CSNK1D: variants seen among roughly 807,000 people sequenced by gnomAD.
CSNK1D encodes the protein casein kinase I isoform delta.
CSNK1D carries 16 observed loss-of-function variants against 46.6 expected under a neutral mutation model. The observed-to-expected ratio is 0.34, with a 90% CI of 0.23 to 0.52. The LOEUF (loss-of-function observed/expected upper bound fraction) is 0.52. Ranked by LOEUF, CSNK1D falls within the 20% of genes least tolerant of loss-of-function variation. The pLI is 0.95. For missense variants in CSNK1D, 398 were observed against 578.4 expected (o/e 0.69, Z 3.20); for synonymous variants, 276 against 228.2 (o/e 1.21, Z -1.89).
intron 3 of CSNK1D, chr17:82,254,018 C>G (rs1475864663): frequency 3.4e-3 from 450 of 132,774 alleles, no homozygotes; most frequent in South Asian, 4.3e-3. Flanking sequence ...AGAAGCCAGT[C>G]AGCTGAGCCG....
intron 1 of CSNK1D, among the ~76,000 whole-genome samples, chr17:82,269,931 T>C (rs1488274947): frequency 6.6e-6 from 1 of 152,250 alleles, no homozygotes; most frequent in Non-Finnish European, 1.5e-5. Flanking sequence ...AGTGGTACTC[T>C]GCCAGCATAA....
downstream of CSNK1D, among the ~76,000 whole-genome samples, chr17:82,241,122 G>A (rs988417082): frequency 3.3e-5 from 5 of 152,162 alleles, no homozygotes; most frequent in Non-Finnish European, 7.4e-5. Flanking sequence ...GCTACTTGGG[G>A]TGGGGGTGGG....
intron 1 of CSNK1D, among the ~76,000 whole-genome samples, chr17:82,270,867 G>A (rs942495144): frequency 7.9e-5 from 12 of 152,298 alleles, no homozygotes; most frequent in East Asian, 3.9e-4. Flanking sequence ...AGCCACAGCC[G>A]CCCGCAATCC....
In CSNK1D at chr17:82,255,555, C is replaced by A; in HGVS notation, c.210G>T (p.Trp70Cys). The stretch of plus-strand genomic sequence containing the variant: ...CGTTGTAGTCCCCCTCTGCCCCGCA[C>A]CATCTGATGGTGGGGATGCCCACTA... The part of the protein sequence containing the change: ...QGGVGIPTIR[W>C]CGAEGDYNVM... The change falls in exon 3 of 9, where the codon TGG becomes TGT. Residue 70 changes from tryptophan to cysteine, a missense_variant. Around this residue, in one of 2 missense-constraint regions of CSNK1D, gnomAD observed 217 missense variants for 370.3 expected, o/e 0.59. Coordinates refer to ENST00000314028, the MANE Select transcript of CSNK1D (RefSeq NM_001893.6). This position sits in a 1 kb window ranked among gnomAD's most constrained non-coding sequence, Gnocchi z 5.9. 6.2e-7 allele frequency: 1 copy of A among 1,614,186 alleles called. No homozygotes were observed. Among genetic ancestry groups the A allele is most frequent in the Non-Finnish European group, 8.5e-7 (1 of 1,180,036 alleles).
Position 82,242,858 on chromosome 17 carries a change from G to A in CSNK1D, c.*1923C>T, listed in dbSNP as rs551312130. 8 of 985,366 alleles carry A rather than the reference G, an allele frequency of 8.1e-6. No homozygotes were observed. The highest frequency in any genetic ancestry group is 5.2e-5 in the African/African-American group (3 of 57,336). The allele number at this position is 985,366 out of a possible 1,614,324, so 61.0% of individuals were successfully genotyped here. ...ACTGTCACAAGCACTCCGAAGACGC[G>A]ACCCGGCGAGGCTCGGGCTGGAACC... On this transcript the variant is annotated 3_prime_UTR_variant, in exon 9 of 9. Coordinates refer to ENST00000314028, the MANE Select transcript of CSNK1D (RefSeq NM_001893.6).
chr17:82,271,829 G>C (rs1343062830), intron 1 of CSNK1D, among the ~76,000 whole-genome samples: 2 of 152,220 alleles, frequency 1.3e-5, no homozygotes, highest in Non-Finnish European at 2.9e-5. Flanking sequence ...TATGACCAGA[G>C]GCATTACTGA....
rs1250547895 is a variant in CSNK1D at position 82,243,759 on chromosome 17, C to T, written c.*1022G>A. 1.1e-5 allele frequency: 11 copies of T among 985,388 alleles called. No homozygotes were observed. Among genetic ancestry groups the T allele is most frequent in the Non-Finnish European group, 1.3e-5 (11 of 829,992 alleles). The allele number at this position is 985,388 out of a possible 1,614,324, so 61.0% of individuals were successfully genotyped here. A position where few individuals can be genotyped will look rare whatever the true frequency, so the allele number is the denominator to read the frequency against. On this transcript the variant is annotated 3_prime_UTR_variant, in exon 9 of 9. Coordinates refer to ENST00000314028, the MANE Select transcript of CSNK1D (RefSeq NM_001893.6). Reference sequence around the variant, plus strand: ...CATACAGACGGAGTGCCAATCCGCACAGGAGCATTGAGTGCTGAGAAAATG... The same window carrying T: ...CATACAGACGGAGTGCCAATCCGCATAGGAGCATTGAGTGCTGAGAAAATG...
chr17:82,250,271 G>C lies in CSNK1D; in HGVS notation c.886-669C>G, dbSNP rs755955720. Reference sequence around the variant, plus strand: ...CCAAACCCAGGTGCCACTTCTTCCTGCAAGTACAGCTCATTGGACACAGCC... The same window carrying C: ...CCAAACCCAGGTGCCACTTCTTCCTCCAAGTACAGCTCATTGGACACAGCC... On this transcript the variant is annotated intron_variant, in intron 6 of 8. Transcript: ENST00000314028. This position sits in a 1 kb window ranked among gnomAD's most constrained non-coding sequence, Gnocchi z 4.6. 2.3e-4 allele frequency: 264 copies of C among 1,170,470 alleles called. No homozygotes were observed. The highest frequency in any genetic ancestry group is 1.2e-3 in the African/African-American group (75 of 63,460). The allele number at this position is 1,170,470 out of a possible 1,614,324, so 72.5% of individuals were successfully genotyped here. A position where few individuals can be genotyped will look rare whatever the true frequency, so the allele number is the denominator to read the frequency against.
chr17:82,265,192 T>TTTG, intron 2 of CSNK1D: 2 of 192,752 alleles, frequency 1.0e-5, no homozygotes, highest in Non-Finnish European at 1.1e-5. Flanking sequence ...TTTTTTTTTT[T>TTTG]GGGGGGGACA....
Position 82,251,234 on chromosome 17 carries a change from G to C in CSNK1D, c.885+145C>G. The C allele has an allele frequency of 2.1e-6, 2 of 950,534 alleles. No homozygotes were observed. Among genetic ancestry groups the C allele is most frequent in the South Asian group, 2.8e-5 (2 of 70,302 alleles). The allele number at this position is 950,534 out of a possible 1,614,324, so 58.9% of individuals were successfully genotyped here. On this transcript the variant is annotated intron_variant, in intron 6 of 8. Transcript: ENST00000314028. The surrounding 1 kb of genome is among the most constrained non-coding windows in gnomAD (Gnocchi z 4.5). ...GGCAGGCAGACACCCACTCAGTCCA[G>C]GTCCTGCCCACTACACACTTGCCCT...
At chr17:82,254,072 T>TGAGCTGAGCCGCCGGAGCCTCGA (rs2051091355) in intron 3 of CSNK1D, 2 of 48,726 alleles carry the variant, frequency 4.1e-5, no homozygotes, top group Non-Finnish European at 7.0e-5. Context: ...CGGAGCCTCG[T>TGAGCTGAGCCGCCGGAGCCTCGA]GAAGCCAGTG....
intron 2 of CSNK1D, among the ~76,000 whole-genome samples, chr17:82,261,719 G>C (rs1331762790): frequency 6.6e-6 from 1 of 152,212 alleles, no homozygotes; most frequent in African/African-American, 2.4e-5. Flanking sequence ...TTCCCTCTCA[G>C]GTGGGCAGGG....
chr17:82,243,837 T>C lies in CSNK1D; in HGVS notation c.*944A>G. ...AAACACTACAGTAACCACCTCTCGG[T>C]TCACAGTCCTCTCCCAAGGGACCAG... On this transcript the variant is annotated 3_prime_UTR_variant, in exon 9 of 9. Transcript: ENST00000314028. 1.0e-6 allele frequency: 1 copy of C among 985,514 alleles called. No individual in the cohort carries two copies. The highest frequency in any genetic ancestry group is 1.2e-6 in the Non-Finnish European group (1 of 830,002). 61.0% of individuals were successfully genotyped at this position (985,514 alleles called of 1,614,324 possible). A position where few individuals can be genotyped will look rare whatever the true frequency, so the allele number is the denominator to read the frequency against.
At chr17:82,245,823 GCACCC>G (rs1568552725) in intron 8 of CSNK1D, among the ~76,000 whole-genome samples, 1 of 152,198 alleles carries the variant, frequency 6.6e-6, no homozygotes, top group Non-Finnish European at 1.5e-5. Context: ...CCGCCGCTCT[GCACCC>G]CACAAGAAGA....
At chr17:82,271,529 A>G (rs558335679) in intron 1 of CSNK1D, among the ~76,000 whole-genome samples, 26 of 152,360 alleles carry the variant, frequency 1.7e-4, no homozygotes, top group African/African-American at 5.1e-4. Flanking sequence ...AAACACTGCC[A>G]AGAACACATC....
chr17:82,269,105 A>G lies in CSNK1D; in HGVS notation c.77-3309T>C, dbSNP rs538019645. ...GAATGATACTTTGTCTTAAAAAAAA[A>G]AAAAAAAAAAAAAAGCAGATGGTGA... On this transcript the variant is annotated intron_variant, in intron 1 of 8. Transcript: ENST00000314028. Among the ~76,000 whole-genome samples the G allele has an allele frequency of 2.6e-5, 4 of 151,384 alleles. No individual in the cohort carries two copies. In the East Asian group the frequency reaches 7.7e-4, roughly 29 times the overall value.
In CSNK1D at chr17:82,252,996, C is replaced by A. The variant is rs748668818; in HGVS notation, c.565+20G>T. The A allele has an allele frequency of 7.5e-6, 12 of 1,607,192 alleles. No homozygotes were observed. Among genetic ancestry groups the A allele is most frequent in the Middle Eastern group, 1.6e-4 (1 of 6,078 alleles). ...GCCCAAAGGCACCCCAGGTCAGTGA[C>A]CCCATGCCCAGGGGCTCACCAATTC... is the stretch of plus-strand genomic sequence containing the variant. On this transcript the variant is annotated intron_variant, in intron 4 of 8. Coordinates refer to ENST00000314028, the MANE Select transcript of CSNK1D (RefSeq NM_001893.6). The surrounding 1 kb of genome is among the most constrained non-coding windows in gnomAD (Gnocchi z 4.6).
Position 82,242,786 on chromosome 17 carries a change from A to T in CSNK1D, c.*1995T>A. ...CAGTGCACAGCTGACACGACGTCCT[A>T]CCTACGTCTCCTGCACGGGGCGACG... is the stretch of plus-strand genomic sequence containing the variant. On this transcript the variant is annotated 3_prime_UTR_variant, in exon 9 of 9. Coordinates refer to ENST00000314028, the MANE Select transcript of CSNK1D (RefSeq NM_001893.6). 1 of 985,162 alleles carries T rather than the reference A, an allele frequency of 1.0e-6. No individual in the cohort carries two copies. The highest frequency in any genetic ancestry group is 1.2e-6 in the Non-Finnish European group (1 of 829,692). 61.0% of individuals were successfully genotyped at this position (985,162 alleles called of 1,614,324 possible).
rs534648662 is a variant in CSNK1D, at chr17:82,245,814, C to T, written c.1198-983G>A. ...CCCCCAAGACTGGGCAGCGGACTGC[C>T]GCCGCTCTGCACCCCACAAGAAGAA... is the stretch of plus-strand genomic sequence containing the variant. On this transcript the variant is annotated intron_variant, in intron 8 of 8. Coordinates refer to ENST00000314028, the MANE Select transcript of CSNK1D (RefSeq NM_001893.6). 3.9e-5 allele frequency among the ~76,000 whole-genome samples: 6 copies of T among 152,328 alleles called. No homozygotes were observed. In the East Asian group the frequency reaches 7.7e-4, roughly 20 times the overall value.
Sources: allele counts gnomAD v4.1 joint callset (sites outside exome capture counted in the v4.1 genomes callset), GRCh38; gene constraint gnomAD v4.1.1; regional missense constraint gnomAD v4.1.1; non-coding constraint Gnocchi (gnomAD v3.1); transcripts MANE v1.5; gene names NCBI Gene and HGNC (gene_info 2026-07-23, HGNC 2026-07-21).